Variants in MACROH2A1 observed in about 807,000 individuals in gnomAD.
MACROH2A1 encodes the protein core histone macro-H2A.1.
A neutral mutation model predicts 31.6 loss-of-function variants in MACROH2A1; 2 were observed. The ratio of observed to expected loss-of-function variants is 0.06; its 90% CI spans 0.03 to 0.20. The LOEUF is 0.20. Ranked by LOEUF, MACROH2A1 falls within the 10% of genes least tolerant of loss-of-function variation. The probability of loss-of-function intolerance (pLI) is 1.00; values close to 1 mark genes in which losing one functional copy is unlikely to be tolerated. For synonymous variants in MACROH2A1, 169 were observed against 189.6 expected (o/e 0.89, Z 0.89); for missense variants, 230 against 474.0 (o/e 0.49, Z 4.78).
chr5:135,395,682 A>C (rs1420829815), intron 1 of MACROH2A1, among the ~76,000 whole-genome samples: 1 of 152,230 alleles, frequency 6.6e-6, no homozygotes, highest in Admixed American at 6.5e-5. Context: ...GCATGTGGAT[A>C]TACTAGACAA....
chr5:135,396,109 A>G (rs1767939768), intron 1 of MACROH2A1, among the ~76,000 whole-genome samples: 1 of 152,230 alleles, frequency 6.6e-6, no homozygotes, highest in Admixed American at 6.5e-5. Context: ...GGAACTGTGC[A>G]GCTTGCTACA....
intron 8 of MACROH2A1, chr5:135,337,999 GA>G: frequency 8.3e-7 from 1 of 1,199,256 alleles, no homozygotes; most frequent in South Asian, 1.5e-5. Flanking sequence ...AGGCTGCCAG[GA>G]AGGAATGGCG....
intron 1 of MACROH2A1, among the ~76,000 whole-genome samples, chr5:135,392,877 A>G (rs1767437694): frequency 6.6e-6 from 1 of 152,224 alleles, no homozygotes; most frequent in African/African-American, 2.4e-5. Context: ...TGATGCTAGT[A>G]AGGGCCTCAA....
At chr5:135,349,794 G>A (rs1761293718) in intron 6 of MACROH2A1, among the ~76,000 whole-genome samples, 1 of 152,166 alleles carries the variant, frequency 6.6e-6, no homozygotes, top group African/African-American at 2.4e-5. Context: ...ACACATGAGT[G>A]ATACCTTACA....
chr5:135,338,839 T>C lies in MACROH2A1; in HGVS notation c.954-3698A>G, dbSNP rs368529733. ...CAAGAGGGACTAAGGGCTTCCACTC[T>C]AGAGTCAGAATTGGGTTTGAATCCC... is the stretch of plus-strand genomic sequence containing the variant. On this transcript the variant is annotated intron_variant, in intron 8 of 8. Coordinates refer to ENST00000511689, the MANE Select transcript of MACROH2A1 (RefSeq NM_138610.3). 5.2e-4 allele frequency among the ~76,000 whole-genome samples: 79 copies of C among 152,354 alleles called. No homozygotes were observed. In the South Asian group the frequency reaches 0.016, roughly 31 times the overall value.
chr5:135,369,131 T>C lies in MACROH2A1; in HGVS notation c.477+275A>G, dbSNP rs776776049. On this transcript the variant is annotated intron_variant, in intron 4 of 8. Transcript: ENST00000511689. This position sits in a 1 kb window ranked among gnomAD's most constrained non-coding sequence, Gnocchi z 4.3. The stretch of plus-strand genomic sequence containing the variant: ...CTGGAAGGGCCAGCTTGGGAGTCCT[T>C]CCAGCTTGACACTATCCCTGAAAGC... 6.6e-6 allele frequency among the ~76,000 whole-genome samples: 1 copy of C among 152,160 alleles called. No homozygotes were observed. The highest frequency in any genetic ancestry group is 1.5e-5 in the Non-Finnish European group (1 of 68,012).
intron 4 of MACROH2A1, among the ~76,000 whole-genome samples, chr5:135,366,823 G>A (rs1763563069): frequency 6.6e-6 from 1 of 152,164 alleles, no homozygotes; most frequent in Non-Finnish European, 1.5e-5. Context: ...TTGTAAGGCT[G>A]GAATGGACCT....
Position 135,369,991 on chromosome 5 carries a change from T to C in MACROH2A1, c.279+45A>G. On this transcript the variant is annotated intron_variant, in intron 3 of 8. Coordinates refer to ENST00000511689, the MANE Select transcript of MACROH2A1 (RefSeq NM_138610.3). The surrounding 1 kb of genome is among the most constrained non-coding windows in gnomAD (Gnocchi z 4.3). The stretch of plus-strand genomic sequence containing the variant: ...TCTCAGCTATGTTTCTTGGGCAGTA[T>C]GACCACCTGCTCAAACATCAGTGGG... 2 of 1,264,576 alleles carry C rather than the reference T, an allele frequency of 1.6e-6. No individual in the cohort carries two copies. Among genetic ancestry groups the C allele is most frequent in the Non-Finnish European group, 2.3e-6 (2 of 867,400 alleles). 78.3% of individuals were successfully genotyped at this position (1,264,576 alleles called of 1,614,324 possible). A position where few individuals can be genotyped will look rare whatever the true frequency, so the allele number is the denominator to read the frequency against.
At position 135,350,419 on chromosome 5, in the gene MACROH2A1, A is replaced by T. The variant is rs943789494; in HGVS notation, c.688+2527T>A. Among the ~76,000 whole-genome samples the T allele has an allele frequency of 5.9e-5, 9 of 151,850 alleles. No individual in the cohort carries two copies. In the East Asian group the frequency reaches 1.7e-3, roughly 29 times the overall value. ...GGGGGTCAGGGGAGTGGGGGTGGTG[A>T]CCTGTGCACAGGCATATGTGTCTGT... On this transcript the variant is annotated intron_variant, in intron 6 of 8. Transcript: ENST00000511689.
chr5:135,360,449 C>G (rs1190718077), intron 5 of MACROH2A1, 48 bp downstream of exon 5: 1 of 1,233,858 alleles, frequency 8.1e-7, no homozygotes, highest in Middle Eastern at 1.9e-4. Context: ...CCTGTGCCCA[C>G]CTGTCCCTTG....
intron 4 of MACROH2A1, chr5:135,361,607 A>C (rs1762855354): frequency 6.6e-6 from 1 of 152,218 alleles, no homozygotes; most frequent in South Asian, 2.1e-4. Flanking sequence ...ATTATTAATA[A>C]AAAGTACTTC....
chr5:135,364,124 G>T (rs1014664196), intron 4 of MACROH2A1, among the ~76,000 whole-genome samples: 10 of 152,132 alleles, frequency 6.6e-5, no homozygotes, highest in African/African-American at 1.9e-4. Context: ...ATCATTCTCA[G>T]CAAACTATCA....
intron 2 of MACROH2A1, among the ~76,000 whole-genome samples, chr5:135,381,592 A>G (rs986562784): frequency 6.6e-6 from 1 of 152,140 alleles, no homozygotes; most frequent in African/African-American, 2.4e-5. Context: ...TCCAGCCTGG[A>G]CAACAGAGTG....
At chr5:135,390,814 C>T (rs750938640) in intron 1 of MACROH2A1, among the ~76,000 whole-genome samples, 3 of 152,168 alleles carry the variant, frequency 2.0e-5, no homozygotes, top group Non-Finnish European at 4.4e-5. Flanking sequence ...ATCCCAGGTG[C>T]ATCTCAAATC....
chr5:135,360,913 G>T (rs924838314), intron 4 of MACROH2A1: 6 of 490,338 alleles, frequency 1.2e-5, no homozygotes, highest in African/African-American at 9.8e-5. Context: ...CCAAGTAAAT[G>T]TCTCTTAATT....
intron 5 of MACROH2A1, chr5:135,359,089 G>T: frequency 4.1e-6 from 4 of 985,392 alleles, no homozygotes; most frequent in Non-Finnish European, 4.8e-6. Context: ...AAATATTTTA[G>T]TTCATCCAGC....
At chr5:135,397,578 GGGAAGAATTTGAA>G in intron 1 of MACROH2A1, among the ~76,000 whole-genome samples, 1 of 152,270 alleles carries the variant, frequency 6.6e-6, no homozygotes, top group Middle Eastern at 3.4e-3. Context: ...AACTAGAAGG[GGGAAGAATTTGAA>G]GTCTTTCAAG....
At chr5:135,354,917 C>A in intron 5 of MACROH2A1, 1 of 370,422 alleles carries the variant, frequency 2.7e-6, no homozygotes, top group Non-Finnish European at 5.3e-6. Flanking sequence ...GGAAGGCAGG[C>A]AAAGGAGAAA....
chr5:135,355,397 G>A (rs372032012), intron 5 of MACROH2A1: 13 of 385,396 alleles, frequency 3.4e-5, no homozygotes, highest in African/African-American at 2.3e-4. Context: ...ACCAAGTGCT[G>A]TTTCACTCTT....
Sources: allele counts gnomAD v4.1 joint callset (sites outside exome capture counted in the v4.1 genomes callset), GRCh38; gene constraint gnomAD v4.1.1; non-coding constraint Gnocchi (gnomAD v3.1); transcripts MANE v1.5; gene names NCBI Gene and HGNC (gene_info 2026-07-23, HGNC 2026-07-21).